The following FOXN3 variants were observed in gnomAD, a reference collection of about 807,000 sequenced individuals.
The protein encoded by FOXN3 is forkhead box protein N3.
FOXN3 carries 7 observed loss-of-function variants against 38.4 expected under a neutral mutation model. The observed-to-expected ratio is 0.18, with a 90% CI of 0.10 to 0.34. FOXN3 has a LOEUF of 0.34. FOXN3 is among the 10% of genes least tolerant of loss of function. FOXN3 has a pLI of 1.00. For missense variants in FOXN3, 456 were observed against 613.4 expected, an observed-to-expected ratio of 0.74 and a Z score of 2.71; for synonymous variants, 230 against 242.2, an observed-to-expected ratio of 0.95 and a Z score of 0.47.
At chr14:89,516,687 G>T (rs1031201236) in intron 1 of FOXN3, among the ~76,000 whole-genome samples, 4 of 150,164 alleles carry the variant, frequency 2.7e-5, no homozygotes, top group African/African-American at 9.8e-5. Flanking sequence ...TCAGCCTCCC[G>T]AGTAGCTGAG....
At chr14:89,363,597 G>A (rs1211991862) in intron 2 of FOXN3, among the ~76,000 whole-genome samples, 1 of 152,096 alleles carries the variant, frequency 6.6e-6, no homozygotes, top group Non-Finnish European at 1.5e-5. Flanking sequence ...AGTCATTTTG[G>A]GCTTAAATGG....
chr14:89,585,406 A>G (rs1171542126), intron 1 of FOXN3, among the ~76,000 whole-genome samples: 2 of 152,208 alleles, frequency 1.3e-5, no homozygotes, highest in Admixed American at 1.3e-4. Context: ...GTTTTTAATA[A>G]GAAAAGTAAA....
At chr14:89,542,061 A>G (rs1036103284) in intron 1 of FOXN3, among the ~76,000 whole-genome samples, 1 of 152,104 alleles carries the variant, frequency 6.6e-6, no homozygotes, top group African/African-American at 2.4e-5. Context: ...TTTATTAAGA[A>G]AGTAAAGTGG....
rs182823142 is a variant in FOXN3 at position 89,576,955 on chromosome 14, A to G, written c.-15+42073T>C. On this transcript the variant is annotated intron_variant, in intron 1 of 6. Transcript: ENST00000345097. ...TTTGTAGTCTCAAAAATCTTCCCTA[A>G]GTATAGTAGAATCAGAGAAAATCGC... The G allele has an allele frequency of 1.4e-3, 215 of 152,348 alleles. 2 individuals are homozygous for G. The highest frequency in any genetic ancestry group is 0.014 in the Admixed American group (209 of 15,296). The allele number at this position is 152,348 out of a possible 1,614,324, so 9.4% of individuals were successfully genotyped here. A position where few individuals can be genotyped will look rare whatever the true frequency, so the allele number is the denominator to read the frequency against.
chr14:89,205,559 A>G (rs1888359571), intron 4 of FOXN3, among the ~76,000 whole-genome samples: 1 of 152,218 alleles, frequency 6.6e-6, no homozygotes, highest in Admixed American at 6.5e-5. Flanking sequence ...ACCGACACCA[A>G]CAGACACCAG....
intron 1 of FOXN3, among the ~76,000 whole-genome samples, chr14:89,457,446 G>A (rs551910514): frequency 1.3e-5 from 2 of 152,270 alleles, no homozygotes; most frequent in African/African-American, 2.4e-5. Context: ...AATGCTTAGG[G>A]ACAAATCCTG....
At chr14:89,595,047 T>C (rs1896030726) in intron 1 of FOXN3, among the ~76,000 whole-genome samples, 1 of 151,932 alleles carries the variant, frequency 6.6e-6, no homozygotes. Context: ...CCAGGCGCAG[T>C]GGCTCACGCC....
At chr14:89,352,559 C>T (rs1385840846) in intron 2 of FOXN3, among the ~76,000 whole-genome samples, 2 of 152,114 alleles carry the variant, frequency 1.3e-5, no homozygotes, top group African/African-American at 4.8e-5. Flanking sequence ...AGCCCTGGGC[C>T]AGTGGGACCT....
At chr14:89,268,990 T>C (rs184616338) in intron 4 of FOXN3, among the ~76,000 whole-genome samples, 1 of 152,330 alleles carries the variant, frequency 6.6e-6, no homozygotes, top group Admixed American at 6.5e-5. Context: ...AGAAATACAA[T>C]ACACAAATGA....
chr14:89,158,319 CA>C lies in FOXN3; in HGVS notation c.*4094del, dbSNP rs1468158263. ...CCTCAGGCAGGAGCCTCCTTCAACACAACGGCCCCTCCCAGAAGGCTCTGTG... is the reference window on the plus strand; with the variant it reads ...CCTCAGGCAGGAGCCTCCTTCAACACACGGCCCCTCCCAGAAGGCTCTGTG... On this transcript the variant is annotated 3_prime_UTR_variant, in exon 6 of 6. Coordinates refer to ENST00000557258, the MANE Select transcript of FOXN3 (RefSeq NM_005197.4). The C allele has an allele frequency of 6.6e-6, 1 of 152,314 alleles. No individual in the cohort carries two copies. Among genetic ancestry groups the C allele is most frequent in the Non-Finnish European group, 1.5e-5 (1 of 68,094 alleles). 9.4% of individuals were successfully genotyped at this position (152,314 alleles called of 1,614,324 possible).
intron 3 of FOXN3, among the ~76,000 whole-genome samples, chr14:89,301,462 T>C (rs1381719377): frequency 6.6e-6 from 1 of 151,096 alleles, no homozygotes; most frequent in African/African-American, 2.4e-5. Flanking sequence ...CGTGACAGAG[T>C]GATACCCCAT....
In FOXN3 at chr14:89,156,506, A is replaced by C. The variant is rs1454709154; in HGVS notation, c.*5908T>G. On this transcript the variant is annotated 3_prime_UTR_variant, in exon 6 of 6. Coordinates refer to ENST00000557258, the MANE Select transcript of FOXN3 (RefSeq NM_005197.4). ...GGCAGTTTCATACAGAAAATACAGA[A>C]AAAAAATTGGCTTTTGAAAAATTAT... is the stretch of plus-strand genomic sequence containing the variant. 6.6e-6 allele frequency: 1 copy of C among 152,642 alleles called. No homozygotes were observed. Among genetic ancestry groups the C allele is most frequent in the Admixed American group, 6.5e-5 (1 of 15,288 alleles). 9.5% of individuals were successfully genotyped at this position (152,642 alleles called of 1,614,324 possible).
At chr14:89,296,761 G>A (rs145582313) in intron 3 of FOXN3, among the ~76,000 whole-genome samples, 8,896 of 152,232 alleles carry the variant, frequency 0.058, 401 homozygotes, top group Non-Finnish European at 0.081. Flanking sequence ...TCAGCCTCCT[G>A]AGTAGCTGGG....
At chr14:89,296,770 G>C (rs1258742720) in intron 3 of FOXN3, among the ~76,000 whole-genome samples, 1 of 152,150 alleles carries the variant, frequency 6.6e-6, no homozygotes, top group African/African-American at 2.4e-5. Context: ...TGAGTAGCTG[G>C]GATTACAGGT....
chr14:89,429,182 C>T (rs1462320376), intron 1 of FOXN3, among the ~76,000 whole-genome samples: 3 of 152,200 alleles, frequency 2.0e-5, no homozygotes, highest in South Asian at 2.1e-4. Context: ...ATGCTGTCAA[C>T]CCCTTTGTAG....
intron 3 of FOXN3, among the ~76,000 whole-genome samples, chr14:89,312,640 G>A (rs1175173256): frequency 2.0e-5 from 3 of 152,096 alleles, no homozygotes; most frequent in African/African-American, 4.8e-5. Context: ...AAAAGGACTC[G>A]GGCTTTAATA....
chr14:89,172,266 T>C (rs1348703010), intron 5 of FOXN3, among the ~76,000 whole-genome samples: 1 of 152,186 alleles, frequency 6.6e-6, no homozygotes, highest in Non-Finnish European at 1.5e-5. Flanking sequence ...GGAGGTTTTG[T>C]TGTTAAGAGT....
chr14:89,465,039 T>A (rs1892945395), intron 1 of FOXN3, among the ~76,000 whole-genome samples: 1 of 151,920 alleles, frequency 6.6e-6, no homozygotes, highest in Non-Finnish European at 1.5e-5. Flanking sequence ...TCTCCAGAGA[T>A]CTGATGGTTT....
At chr14:89,221,826 CTT>C (rs760636778) in intron 4 of FOXN3, among the ~76,000 whole-genome samples, 11 of 144,654 alleles carry the variant, frequency 7.6e-5, no homozygotes, top group Non-Finnish European at 9.2e-5. Context: ...TCTATATAAT[CTT>C]TTTTTTTTTT....
Sources: allele counts gnomAD v4.1 joint callset (sites outside exome capture counted in the v4.1 genomes callset), GRCh38; gene constraint gnomAD v4.1.1; transcripts MANE v1.5; gene names NCBI Gene and HGNC (gene_info 2026-07-23, HGNC 2026-07-21).